CEP128: variants seen among roughly 807,000 people sequenced by gnomAD.
The protein encoded by CEP128 is centrosomal protein 128.
Under a neutral mutation model 156.7 loss-of-function variants are expected in CEP128, and 132 were observed. The observed-to-expected ratio is 0.84, with a 90% CI of 0.73 to 0.97. The LOEUF (loss-of-function observed/expected upper bound fraction) is 0.97, where lower values mean the gene tolerates loss of function less well. Among genes scored for constraint, CEP128 ranks in the 50% least tolerant of loss-of-function variants. The pLI is 0.00. For missense variants in CEP128, 1,252 were observed against 1,281.9 expected (o/e 0.98, Z 0.36); for synonymous variants, 469 against 448.9 (o/e 1.04, Z -0.57).
chr14:80,619,367 G>C lies in CEP128; in HGVS notation c.2807-38944C>G, dbSNP rs372522954. Among the ~76,000 whole-genome samples the C allele has an allele frequency of 1.7e-3, 231 of 139,448 alleles. 3 individuals are homozygous for C. In the Middle Eastern group the frequency reaches 0.025, roughly 15 times the overall value. 91.5% of individuals were successfully genotyped at this position (139,448 alleles called of 152,430 possible). A position where few individuals can be genotyped will look rare whatever the true frequency, so the allele number is the denominator to read the frequency against. Reference sequence around the variant, plus strand: ...GTTTTAAATGATTTAAAGACACACAGACACACACACACACACACACACACA... The same window carrying C: ...GTTTTAAATGATTTAAAGACACACACACACACACACACACACACACACACA... On this transcript the variant is annotated intron_variant, in intron 19 of 24. Coordinates refer to ENST00000555265, the MANE Select transcript of CEP128 (RefSeq NM_152446.5).
intron 19 of CEP128, among the ~76,000 whole-genome samples, chr14:80,640,229 T>A (rs572200395): frequency 6.6e-6 from 1 of 152,298 alleles, no homozygotes; most frequent in Admixed American, 6.5e-5. Context: ...ATGTCATTAG[T>A]GATAGGTAGG....
intron 22 of CEP128, among the ~76,000 whole-genome samples, chr14:80,528,378 G>A (rs955762649): frequency 1.3e-5 from 2 of 152,170 alleles, no homozygotes; most frequent in Non-Finnish European, 2.9e-5. Context: ...AACCTCCGCC[G>A]CCCTGGTTCA....
chr14:80,545,237 T>C (rs1300950609), intron 21 of CEP128, among the ~76,000 whole-genome samples: 1 of 152,136 alleles, frequency 6.6e-6, no homozygotes, highest in African/African-American at 2.4e-5. Flanking sequence ...ACTGAATCCA[T>C]TGCATGGAGT....
intron 19 of CEP128, among the ~76,000 whole-genome samples, chr14:80,623,747 T>A (rs1215920191): frequency 1.3e-5 from 2 of 152,048 alleles, no homozygotes; most frequent in Non-Finnish European, 2.9e-5. Context: ...TTTTTTAATG[T>A]AAAAAAAGTC....
chr14:80,752,048 A>G (rs1300523257), intron 18 of CEP128, among the ~76,000 whole-genome samples: 3 of 152,288 alleles, frequency 2.0e-5, no homozygotes, highest in African/African-American at 7.2e-5. Context: ...AGAATCCTCT[A>G]CTGAGTCCTA....
intron 14 of CEP128, among the ~76,000 whole-genome samples, chr14:80,482,423 T>C (rs541513833): frequency 1.3e-5 from 2 of 152,362 alleles, no homozygotes; most frequent in African/African-American, 4.8e-5. Flanking sequence ...TTAGTTATAA[T>C]GTCATCAGTA....
intron 8 of CEP128, among the ~76,000 whole-genome samples, chr14:80,876,032 G>A (rs1343739371): frequency 6.6e-6 from 1 of 151,964 alleles, no homozygotes; most frequent in Non-Finnish European, 1.5e-5. Context: ...AAAGAAGAAA[G>A]AATTAAAACT....
intron 8 of CEP128, among the ~76,000 whole-genome samples, chr14:80,873,198 A>C (rs1045562269): frequency 6.6e-6 from 1 of 152,208 alleles, no homozygotes; most frequent in Non-Finnish European, 1.5e-5. Flanking sequence ...TTATACAGCA[A>C]TTACACCAAT....
chr14:80,856,824 G>C (rs1468320846), intron 9 of CEP128, among the ~76,000 whole-genome samples: 1 of 133,008 alleles, frequency 7.5e-6, no homozygotes, highest in South Asian at 2.5e-4. Flanking sequence ...TCTGCCTCCC[G>C]AGTTAAAGCT....
intron 9 of CEP128, among the ~76,000 whole-genome samples, chr14:80,853,563 C>A (rs2140126470): frequency 6.6e-6 from 1 of 151,434 alleles, no homozygotes; most frequent in East Asian, 1.9e-4. Context: ...CATAAGGTAC[C>A]TAAAAATAAG....
At chr14:80,521,444 CT>C (rs1157726772) in intron 23 of CEP128, among the ~76,000 whole-genome samples, 1 of 152,054 alleles carries the variant, frequency 6.6e-6, no homozygotes, top group Non-Finnish European at 1.5e-5. Flanking sequence ...AGGTTGATTT[CT>C]GAATAAGCAC....
At chr14:80,750,979 C>T (rs961162989) in intron 18 of CEP128, among the ~76,000 whole-genome samples, 2 of 152,062 alleles carry the variant, frequency 1.3e-5, no homozygotes, top group African/African-American at 2.4e-5. Context: ...GAAGAGATAG[C>T]AGAACTCTCT....
intron 19 of CEP128, among the ~76,000 whole-genome samples, chr14:80,633,130 G>A (rs1355258616): frequency 6.7e-6 from 1 of 148,634 alleles, no homozygotes; most frequent in Non-Finnish European, 1.5e-5. Context: ...TGGAGGCTGA[G>A]GCAGGAGGAT....
At chr14:80,597,646 GA>G (rs71456212) in intron 19 of CEP128, among the ~76,000 whole-genome samples, 18,537 of 137,972 alleles carry the variant, frequency 0.13, 1,475 homozygotes, top group East Asian at 0.34. Flanking sequence ...AGAAAGAAAA[GA>G]AAAAAAAAAA....
chr14:80,817,010 G>A (rs1339728868), intron 13 of CEP128, among the ~76,000 whole-genome samples: 1 of 150,084 alleles, frequency 6.7e-6, no homozygotes, highest in African/African-American at 2.4e-5. Flanking sequence ...AATTAGCAGA[G>A]GCTAAAAATT....
chr14:80,571,301 A>G (rs1891131762), intron 20 of CEP128, among the ~76,000 whole-genome samples: 1 of 152,310 alleles, frequency 6.6e-6, no homozygotes, highest in Non-Finnish European at 1.5e-5. Context: ...ACAGTGAAAT[A>G]AGAACTAGGG....
At chr14:80,490,006 T>G (rs1047884002), downstream of CEP128, among the ~76,000 whole-genome samples, 6 of 152,092 alleles carry the variant, frequency 3.9e-5, no homozygotes, top group African/African-American at 1.4e-4. Context: ...TATTTAGACA[T>G]TTTAGAATAG....
intron 19 of CEP128, among the ~76,000 whole-genome samples, chr14:80,592,538 A>G (rs1359921590): frequency 6.6e-6 from 1 of 152,206 alleles, no homozygotes; most frequent in Non-Finnish European, 1.5e-5. Flanking sequence ...GCCCAGGACC[A>G]GACGGATTCA....
intron 8 of CEP128, among the ~76,000 whole-genome samples, chr14:80,866,256 C>A (rs1054419302): frequency 2.0e-5 from 3 of 152,136 alleles, no homozygotes; most frequent in African/African-American, 7.2e-5. Context: ...TCTAGTCTCA[C>A]CACAGTGCCA....
Sources: allele counts gnomAD v4.1 joint callset (sites outside exome capture counted in the v4.1 genomes callset), GRCh38; gene constraint gnomAD v4.1.1; transcripts MANE v1.5; gene names NCBI Gene and HGNC (gene_info 2026-07-23, HGNC 2026-07-21).